Variants in RPS6KA5 observed in about 807,000 individuals in gnomAD.
The protein encoded by RPS6KA5 is ribosomal protein S6 kinase A5.
RPS6KA5 carries 27 observed loss-of-function variants against 85.5 expected under a neutral mutation model. The observed-to-expected ratio is 0.32, with a 90% CI of 0.23 to 0.44. The LOEUF (loss-of-function observed/expected upper bound fraction) is 0.44. Among genes scored for constraint, RPS6KA5 ranks in the 20% least tolerant of loss-of-function variants. The pLI is 1.00. For missense variants in RPS6KA5, 811 were observed against 980.9 expected (o/e 0.83, Z 2.31); for synonymous variants, 334 against 348.2 (o/e 0.96, Z 0.46).
rs1207089817 is a variant in RPS6KA5, at chr14:90,857,416, C to G, written c.*14658G>C. The G allele has an allele frequency of 6.6e-6, 1 of 152,156 alleles. No homozygotes were observed. The highest frequency in any genetic ancestry group is 1.5e-5 in the Non-Finnish European group (1 of 68,034). The allele number at this position is 152,156 out of a possible 1,614,324, so 9.4% of individuals were successfully genotyped here. A position where few individuals can be genotyped will look rare whatever the true frequency, so the allele number is the denominator to read the frequency against. On this transcript the variant is annotated 3_prime_UTR_variant, in exon 17 of 17. Transcript: ENST00000614987. ...AAACAGAAGTTAAAATGGGAAACCA[C>G]AGTAGGATGATTCTTCATCAGATTT...
At chr14:90,978,620 A>G in intron 2 of RPS6KA5, 96 bp from the exon 3 acceptor site, 5 of 927,354 alleles carry the variant, frequency 5.4e-6, no homozygotes, top group Non-Finnish European at 1.6e-6. Flanking sequence ...CAAAAAATAC[A>G]CTCTTTAAAG....
chr14:90,961,295 T>G (rs1446778605), intron 3 of RPS6KA5, among the ~76,000 whole-genome samples: 2 of 152,196 alleles, frequency 1.3e-5, no homozygotes, highest in Non-Finnish European at 2.9e-5. Flanking sequence ...TGAGAGTGGT[T>G]AAGTCAATTT....
chr14:90,995,568 A>T (rs8008293), intron 2 of RPS6KA5, among the ~76,000 whole-genome samples: 2,734 of 152,266 alleles, frequency 0.018, 65 homozygotes, highest in African/African-American at 0.063. Flanking sequence ...AAACCCAAAG[A>T]ACTAGCTCGG....
intron 14 of RPS6KA5, among the ~76,000 whole-genome samples, chr14:90,888,153 T>C (rs903877430): frequency 4.6e-5 from 7 of 152,104 alleles, no homozygotes; most frequent in African/African-American, 1.2e-4. Flanking sequence ...TCCTGTGATA[T>C]CATTTAACCT....
intron 3 of RPS6KA5, among the ~76,000 whole-genome samples, chr14:90,963,738 G>A (rs1422256470): frequency 2.0e-5 from 3 of 152,296 alleles, no homozygotes; most frequent in East Asian, 3.9e-4. Flanking sequence ...TGGGATAGCA[G>A]AGTATCAGAG....
At chr14:90,985,858 T>C (rs975106983) in intron 2 of RPS6KA5, among the ~76,000 whole-genome samples, 7 of 152,224 alleles carry the variant, frequency 4.6e-5, no homozygotes, top group African/African-American at 1.7e-4. Flanking sequence ...ATTCTTATTA[T>C]GTAAATTCAT....
chr14:91,026,581 C>A (rs1810165967), intron 1 of RPS6KA5, among the ~76,000 whole-genome samples: 1 of 152,190 alleles, frequency 6.6e-6, no homozygotes, highest in Non-Finnish European at 1.5e-5. Flanking sequence ...CACACTAATT[C>A]CATGTCTTTG....
chr14:90,909,583 G>A (rs2035690109), intron 7 of RPS6KA5, among the ~76,000 whole-genome samples: 1 of 152,020 alleles, frequency 6.6e-6, no homozygotes, highest in Admixed American at 6.6e-5. Context: ...TTAGAACATG[G>A]GTGGCTTTAA....
rs1046312605 is a variant in RPS6KA5, at chr14:90,868,353, G to C, written c.*3721C>G. ...ATCAAGTGATGACAGACACTTACGT[G>C]AGGTATACAATCAATTAAAGACTGG... is the stretch of plus-strand genomic sequence containing the variant. On this transcript the variant is annotated 3_prime_UTR_variant, in exon 17 of 17. Coordinates refer to ENST00000614987, the MANE Select transcript of RPS6KA5 (RefSeq NM_004755.4). The C allele has an allele frequency of 7.9e-5, 12 of 152,146 alleles. No homozygotes were observed. 9.4% of individuals were successfully genotyped at this position (152,146 alleles called of 1,614,324 possible). A position where few individuals can be genotyped will look rare whatever the true frequency, so the allele number is the denominator to read the frequency against.
intron 7 of RPS6KA5, among the ~76,000 whole-genome samples, chr14:90,909,437 C>A (rs1286135): frequency 0.64 from 97,296 of 152,032 alleles, 32,547 homozygotes; most frequent in East Asian, 0.88. Flanking sequence ...ATATTAAACC[C>A]CTCACGTGTA....
intron 14 of RPS6KA5, among the ~76,000 whole-genome samples, chr14:90,881,254 C>T (rs1327235159): frequency 1.3e-5 from 2 of 151,136 alleles, no homozygotes; most frequent in African/African-American, 4.9e-5. Context: ...AGTTTGAGAC[C>T]AGTGTGGCCA....
chr14:91,032,870 CAT>C (rs986284171), intron 1 of RPS6KA5, among the ~76,000 whole-genome samples: 25 of 151,786 alleles, frequency 1.6e-4, no homozygotes, highest in Non-Finnish European at 3.7e-4. Context: ...AGCCAATAAA[CAT>C]ATGAAAAATG....
At chr14:90,937,266 A>T (rs768811167) in intron 5 of RPS6KA5, among the ~76,000 whole-genome samples, 1 of 152,084 alleles carries the variant, frequency 6.6e-6, no homozygotes, top group African/African-American at 2.4e-5. Flanking sequence ...GCCTCAGCAG[A>T]TGGTGGCGGG....
chr14:90,977,465 T>G (rs969798521), intron 3 of RPS6KA5, among the ~76,000 whole-genome samples: 1 of 152,196 alleles, frequency 6.6e-6, no homozygotes, highest in African/African-American at 2.4e-5. Flanking sequence ...AGGAATGGAT[T>G]CAGAAAGTGC....
intron 5 of RPS6KA5, among the ~76,000 whole-genome samples, chr14:90,930,830 T>C (rs1472302254): frequency 6.6e-6 from 1 of 152,152 alleles, no homozygotes; most frequent in Non-Finnish European, 1.5e-5. Flanking sequence ...AGAATTACAA[T>C]GAGATTTCAC....
intron 1 of RPS6KA5, among the ~76,000 whole-genome samples, chr14:91,013,624 C>T (rs1219506599): frequency 6.6e-6 from 1 of 152,172 alleles, no homozygotes; most frequent in African/African-American, 2.4e-5. Context: ...AGCCAGCTCA[C>T]AAAAGAATCT....
chr14:90,936,726 A>C (rs2037278699), intron 5 of RPS6KA5, among the ~76,000 whole-genome samples: 2 of 152,172 alleles, frequency 1.3e-5, no homozygotes, highest in South Asian at 4.1e-4. Context: ...TGAATTACTA[A>C]ATTAATATAT....
intron 8 of RPS6KA5, among the ~76,000 whole-genome samples, chr14:90,904,789 G>C (rs1327400575): frequency 6.6e-6 from 1 of 152,088 alleles, no homozygotes; most frequent in Non-Finnish European, 1.5e-5. Context: ...CATTTAAAAA[G>C]TCAAGGCAAT....
intron 3 of RPS6KA5, among the ~76,000 whole-genome samples, chr14:90,973,332 A>G (rs528888466): frequency 4.6e-5 from 7 of 151,986 alleles, no homozygotes; most frequent in Non-Finnish European, 1.0e-4. Flanking sequence ...AGTCCCAGCT[A>G]CTCAGGAGGC....
Sources: allele counts gnomAD v4.1 joint callset (sites outside exome capture counted in the v4.1 genomes callset), GRCh38; gene constraint gnomAD v4.1.1; transcripts MANE v1.5; gene names NCBI Gene and HGNC (gene_info 2026-07-23, HGNC 2026-07-21).